The following DCLK1 variants were observed in gnomAD, a reference collection of about 807,000 sequenced individuals.
DCLK1 encodes the protein doublecortin like kinase 1.
In DCLK1, 16 loss-of-function variants were observed where a neutral mutation model predicts 86.2. The ratio of observed to expected loss-of-function variants is 0.19; its 90% CI spans 0.13 to 0.28. The LOEUF (loss-of-function observed/expected upper bound fraction) is 0.28, where lower values mean the gene tolerates loss of function less well. Ranked by LOEUF, DCLK1 falls within the 10% of genes least tolerant of loss-of-function variation. The pLI is 1.00. For missense variants in DCLK1, 590 were observed against 940.2 expected (o/e 0.63, Z 4.87); for synonymous variants, 369 against 370.5 (o/e 1.00, Z 0.05).
intron 3 of DCLK1, among the ~76,000 whole-genome samples, chr13:36,053,492 G>C (rs1165322933): frequency 2.0e-5 from 3 of 152,156 alleles, no homozygotes; most frequent in Non-Finnish European, 4.4e-5. Context: ...GTGCTAGGTA[G>C]TGTTTGGGGG....
At chr13:35,948,661 A>T (rs1877509660) in intron 3 of DCLK1, among the ~76,000 whole-genome samples, 1 of 152,202 alleles carries the variant, frequency 6.6e-6, no homozygotes, top group South Asian at 2.1e-4. Flanking sequence ...ATAATGTCTC[A>T]TTTCTAAATA....
intron 6 of DCLK1, among the ~76,000 whole-genome samples, chr13:35,853,198 G>A (rs1870781087): frequency 6.6e-6 from 1 of 152,150 alleles, no homozygotes; most frequent in Non-Finnish European, 1.5e-5. Context: ...TGGCCAAGAA[G>A]AAACCATAGT....
At chr13:36,002,375 C>T (rs1443146827) in intron 3 of DCLK1, among the ~76,000 whole-genome samples, 2 of 152,152 alleles carry the variant, frequency 1.3e-5, no homozygotes, top group African/African-American at 4.8e-5. Context: ...ATAATATGTG[C>T]TAGAGAATAA....
chr13:36,081,430 A>T (rs1019541335), intron 3 of DCLK1, among the ~76,000 whole-genome samples: 1 of 152,196 alleles, frequency 6.6e-6, no homozygotes, highest in African/African-American at 2.4e-5. Context: ...TATATAAAAA[A>T]AATTAAGTAT....
chr13:36,087,587 G>A (rs1448007956), intron 3 of DCLK1, among the ~76,000 whole-genome samples: 1 of 152,166 alleles, frequency 6.6e-6, no homozygotes, highest in African/African-American at 2.4e-5. Flanking sequence ...CCTAGTGGCA[G>A]TTTGGACGTG....
At chr13:36,002,102 T>C (rs1427234204) in intron 3 of DCLK1, among the ~76,000 whole-genome samples, 1 of 152,168 alleles carries the variant, frequency 6.6e-6, no homozygotes, top group African/African-American at 2.4e-5. Context: ...ATAGCCAATT[T>C]TTATCCTGGG....
intron 3 of DCLK1, among the ~76,000 whole-genome samples, chr13:35,971,106 T>C (rs924195999): frequency 6.6e-6 from 1 of 152,194 alleles, no homozygotes; most frequent in Non-Finnish European, 1.5e-5. Flanking sequence ...CCCAGCTCTT[T>C]AGCACTGTAT....
chr13:36,057,153 GAT>G (rs1883367809), intron 3 of DCLK1, among the ~76,000 whole-genome samples: 1 of 152,030 alleles, frequency 6.6e-6, no homozygotes, highest in African/African-American at 2.4e-5. Context: ...TGATGATGAT[GAT>G]GATGACGATG....
intron 4 of DCLK1, among the ~76,000 whole-genome samples, chr13:35,886,659 A>G (rs1045869716): frequency 6.6e-6 from 1 of 152,200 alleles, no homozygotes; most frequent in Non-Finnish European, 1.5e-5. Flanking sequence ...AAGCAGCATG[A>G]GAGAACTCAG....
intron 3 of DCLK1, among the ~76,000 whole-genome samples, chr13:36,110,875 G>A (rs1464227402): frequency 7.2e-6 from 1 of 138,294 alleles, no homozygotes; most frequent in African/African-American, 2.7e-5. Context: ...CTGTCACCCA[G>A]GCTGGAGTGC....
chr13:35,893,079 C>T (rs957775535), intron 4 of DCLK1, among the ~76,000 whole-genome samples: 2 of 152,160 alleles, frequency 1.3e-5, no homozygotes, highest in African/African-American at 4.8e-5. Flanking sequence ...GACACATAGG[C>T]GGAGCCCTGT....
chr13:36,099,054 G>A (rs1885109257), intron 3 of DCLK1, among the ~76,000 whole-genome samples: 1 of 151,042 alleles, frequency 6.6e-6, no homozygotes, highest in Admixed American at 6.6e-5. Flanking sequence ...TGCAACCTCC[G>A]CCTCCTGGGT....
At chr13:35,817,149 CA>C (rs1435728443) in intron 11 of DCLK1, among the ~76,000 whole-genome samples, 1 of 152,156 alleles carries the variant, frequency 6.6e-6, no homozygotes, top group Non-Finnish European at 1.5e-5. Context: ...GTGAATTAGA[CA>C]AACACAGACC....
chr13:36,011,266 TA>T (rs1390065889), intron 3 of DCLK1, among the ~76,000 whole-genome samples: 2 of 69,734 alleles, frequency 2.9e-5, no homozygotes, highest in African/African-American at 5.0e-5. Flanking sequence ...TGCCTTCTGC[TA>T]GCTTTTGAAT....
chr13:36,101,931 T>C (rs1346986573), intron 3 of DCLK1, among the ~76,000 whole-genome samples: 1 of 151,972 alleles, frequency 6.6e-6, no homozygotes. Flanking sequence ...TTATTAGAGA[T>C]GGGGTTTCAC....
chr13:35,875,413 T>C (rs2153115463), intron 4 of DCLK1, among the ~76,000 whole-genome samples: 1 of 152,366 alleles, frequency 6.6e-6, no homozygotes, highest in Middle Eastern at 3.4e-3. Flanking sequence ...CATGGCATGC[T>C]GTTTGGCACA....
At chr13:36,099,114 C>T (rs924096374) in intron 3 of DCLK1, among the ~76,000 whole-genome samples, 12 of 151,972 alleles carry the variant, frequency 7.9e-5, no homozygotes, top group Admixed American at 3.3e-4. Flanking sequence ...ATTACAGGTG[C>T]GTGCCACCAC....
chr13:36,041,669 C>A (rs1249332965), intron 3 of DCLK1, among the ~76,000 whole-genome samples: 2 of 152,118 alleles, frequency 1.3e-5, no homozygotes, highest in Non-Finnish European at 2.9e-5. Context: ...ATATTTTAGT[C>A]TAGGTTTCCA....
chr13:35,962,986 T>C (rs1181232038), intron 3 of DCLK1, among the ~76,000 whole-genome samples: 2 of 152,204 alleles, frequency 1.3e-5, no homozygotes, highest in East Asian at 3.9e-4. Context: ...AGGAAAGCTT[T>C]TATAGGACAC....
Sources: gnomAD v4.1 joint callset for allele counts (sites outside exome capture counted in the v4.1 genomes callset) on GRCh38, gnomAD v4.1.1 for gene constraint, MANE v1.5 for transcripts, NCBI Gene and HGNC (gene_info 2026-07-23, HGNC 2026-07-21) for gene names.